Variants in FER1L6 observed in about 807,000 individuals in gnomAD.
The protein encoded by FER1L6 is fer-1 like family member 6.
In FER1L6, 177 loss-of-function variants were observed where a neutral mutation model predicts 219.2. The observed-to-expected ratio is 0.81, with a 90% confidence interval of 0.71 to 0.91. FER1L6 has a LOEUF of 0.91. Among genes scored for constraint, FER1L6 ranks in the 40% least tolerant of loss-of-function variants. The pLI, the probability that FER1L6 is intolerant of heterozygous loss-of-function variation, is 0.00. For synonymous variants in FER1L6, 768 were observed against 824.3 expected, an observed-to-expected ratio of 0.93 and a Z score of 1.17; for missense variants, 2,153 against 2,259.9, an observed-to-expected ratio of 0.95 and a Z score of 0.96.
intron 33 of FER1L6, among the ~76,000 whole-genome samples, chr8:124,085,944 C>A (rs1259687171): frequency 1.3e-5 from 2 of 152,044 alleles, no homozygotes; most frequent in East Asian, 1.9e-4. Flanking sequence ...CTGAATTGAC[C>A]CCTTTATCAT....
Position 124,010,725 on chromosome 8 carries a change from C to T in FER1L6, c.1821+11C>T, listed in dbSNP as rs756537977. On this transcript the variant is annotated intron_variant, in intron 14 of 40. Coordinates refer to ENST00000522917, the MANE Select transcript of FER1L6 (RefSeq NM_001039112.2). ...ATGGCAGACTTCCTGGTAGGTGACT[C>T]TGACAGGTGATGGATTAGAGAATTG... 6.2e-7 allele frequency: 1 copy of T among 1,612,460 alleles called. No homozygotes were observed.
intron 12 of FER1L6, among the ~76,000 whole-genome samples, chr8:123,994,085 C>A (rs1475551849): frequency 2.0e-5 from 3 of 152,212 alleles, no homozygotes; most frequent in African/African-American, 4.8e-5. Flanking sequence ...CTGTAATAGA[C>A]TGTGTCGGTT....
intron 32 of FER1L6, among the ~76,000 whole-genome samples, chr8:124,080,073 A>G (rs1386802372): frequency 4.6e-5 from 7 of 152,202 alleles, no homozygotes; most frequent in African/African-American, 1.7e-4. Flanking sequence ...GACACATAAT[A>G]AATGCTGAAT....
chr8:123,943,325 C>T (rs1442274664), intron 1 of FER1L6, among the ~76,000 whole-genome samples: 2 of 152,120 alleles, frequency 1.3e-5, no homozygotes, highest in Non-Finnish European at 2.9e-5. Flanking sequence ...GAGTCTTGAT[C>T]GACCTCTAAT....
intron 39 of FER1L6, among the ~76,000 whole-genome samples, chr8:124,110,324 C>CTTAA (rs1274386140): frequency 6.6e-6 from 1 of 152,162 alleles, no homozygotes; most frequent in African/African-American, 2.4e-5. Context: ...GCACAGCAAG[C>CTTAA]TTAAGTAACT....
chr8:123,874,249 G>A lies in FER1L6; in HGVS notation c.-8+22064G>A, dbSNP rs184019177. Among the ~76,000 whole-genome samples the A allele has an allele frequency of 7.9e-5, 12 of 152,158 alleles. No homozygotes were observed. The East Asian group carries it at 1.9e-3, about 24-fold the overall frequency. On this transcript the variant is annotated intron_variant, in intron 1 of 40. Transcript: ENST00000522917. Reference sequence around the variant, plus strand: ...TATCTCTTCTACTTTCCCAGATGACGATTTCATACCTTCTTTTCTCAAGTC... The same window carrying A: ...TATCTCTTCTACTTTCCCAGATGACAATTTCATACCTTCTTTTCTCAAGTC...
intron 39 of FER1L6, among the ~76,000 whole-genome samples, chr8:124,110,522 T>TA (rs1373649356): frequency 1.3e-5 from 2 of 152,216 alleles, no homozygotes; most frequent in Non-Finnish European, 2.9e-5. Context: ...TCTGAGGTGA[T>TA]ATTTCTGGGG....
Position 124,017,678 on chromosome 8 carries a change from C to T in FER1L6, c.1973C>T (p.Thr658Ile), listed in dbSNP as rs1818260185. The T allele has an allele frequency of 1.2e-6, 2 of 1,613,754 alleles. No homozygotes were observed. The highest frequency in any genetic ancestry group is 1.1e-5 in the South Asian group (1 of 91,082). The change falls in exon 16 of 41, where the codon ACT (threonine) becomes ATT (isoleucine). Residue 658 changes from threonine (T) to isoleucine (I), a missense_variant. Thr to Ile is a moderately conservative substitution (Grantham distance 89). Transcript: ENST00000522917. ...EKKPKMLNQT[T>I]LDKKRLTLCW... ...AAGCCCAAGATGTTGAACCAAACCACTTTAGATAAGAAGCGACTTACGCTC... is the reference window on the plus strand; with the variant it reads ...AAGCCCAAGATGTTGAACCAAACCATTTTAGATAAGAAGCGACTTACGCTC...
intron 1 of FER1L6, among the ~76,000 whole-genome samples, chr8:123,889,864 C>T (rs1271742319): frequency 6.6e-6 from 1 of 152,038 alleles, no homozygotes; most frequent in Non-Finnish European, 1.5e-5. Flanking sequence ...ACAGTCCAAG[C>T]ATGTTACAGA....
chr8:124,017,643 A>G lies in FER1L6; in HGVS notation c.1938A>G (p.Glu646=). 6.2e-7 allele frequency: 1 copy of G among 1,613,134 alleles called. No individual in the cohort carries two copies. The highest frequency in any genetic ancestry group is 8.5e-7 in the Non-Finnish European group (1 of 1,179,206). Residue 646 remains glutamate, a synonymous_variant, in exon 16 of 41, where the codon GAA becomes GAG. Transcript: ENST00000522917. ...TTTCTTATAGTGCCTTTATCTCTGAAGCAGAAAAAAAGCCCAAGATGTTGA... is the reference window on the plus strand; with the variant it reads ...TTTCTTATAGTGCCTTTATCTCTGAGGCAGAAAAAAAGCCCAAGATGTTGA... ...FISRSSAFIS[E]AEKKPKMLNQ...
chr8:123,926,337 G>A (rs1472894607), intron 1 of FER1L6, among the ~76,000 whole-genome samples: 1 of 152,164 alleles, frequency 6.6e-6, no homozygotes, highest in Non-Finnish European at 1.5e-5. Flanking sequence ...CTGGATTCTG[G>A]GACAAAGACT....
intron 1 of FER1L6, among the ~76,000 whole-genome samples, chr8:123,948,482 A>G (rs1466297853): frequency 1.3e-5 from 2 of 152,238 alleles, no homozygotes; most frequent in African/African-American, 4.8e-5. Flanking sequence ...ATCTACAAGC[A>G]TGGAATATTC....
chr8:123,912,584 C>T (rs938886429), intron 1 of FER1L6, among the ~76,000 whole-genome samples: 7 of 151,984 alleles, frequency 4.6e-5, no homozygotes, highest in African/African-American at 1.7e-4. Flanking sequence ...TTTTGAGAAT[C>T]TGCCTTAATT....
At position 124,072,420 on chromosome 8, in the gene FER1L6, T is replaced by G. The variant is rs557489893; in HGVS notation, c.4092+789T>G. Among the ~76,000 whole-genome samples the G allele has an allele frequency of 7.5e-4, 114 of 152,350 alleles. 1 individual carries two copies. The highest frequency in any genetic ancestry group is 2.7e-3 in the African/African-American group (111 of 41,580). ...TTAATGCTCCATCAAAGCAACTGTA[T>G]GAACCCCAATGGTTCATGGATTTGT... On this transcript the variant is annotated intron_variant, in intron 31 of 40. Coordinates refer to ENST00000522917, the MANE Select transcript of FER1L6 (RefSeq NM_001039112.2).
intron 1 of FER1L6, among the ~76,000 whole-genome samples, chr8:123,906,439 C>A (rs1381898757): frequency 1.3e-5 from 2 of 152,082 alleles, no homozygotes; most frequent in African/African-American, 4.8e-5. Flanking sequence ...ACCCTACATC[C>A]TTTCTCCCAT....
intron 22 of FER1L6, among the ~76,000 whole-genome samples, chr8:124,053,180 G>A (rs962114578): frequency 6.6e-6 from 1 of 152,124 alleles, no homozygotes; most frequent in Non-Finnish European, 1.5e-5. Context: ...CTGGACTGGT[G>A]GATCCCCAAA....
At chr8:123,923,027 T>A (rs908500010) in intron 1 of FER1L6, among the ~76,000 whole-genome samples, 17 of 152,122 alleles carry the variant, frequency 1.1e-4, no homozygotes, top group Non-Finnish European at 2.2e-4. Context: ...TCTAGCCACA[T>A]CCTTCCCTGT....
chr8:123,937,088 T>C (rs1178537681), intron 1 of FER1L6, among the ~76,000 whole-genome samples: 3 of 152,288 alleles, frequency 2.0e-5, no homozygotes, highest in Non-Finnish European at 4.4e-5. Context: ...GTATTTTTAG[T>C]AGAGGCGGGG....
chr8:123,974,616 T>C (rs1360619006), intron 7 of FER1L6, among the ~76,000 whole-genome samples: 1 of 136,242 alleles, frequency 7.3e-6, no homozygotes, highest in Non-Finnish European at 1.5e-5. Context: ...AGCTTGGGCA[T>C]TACCATTGCT....
Sources: gnomAD v4.1 joint callset for allele counts (sites outside exome capture counted in the v4.1 genomes callset) on GRCh38, gnomAD v4.1.1 for gene constraint, MANE v1.5 for transcripts, NCBI Gene and HGNC (gene_info 2026-07-23, HGNC 2026-07-21) for gene names.